Variants in PPP2R1A observed in about 807,000 individuals in gnomAD.
PPP2R1A encodes the protein protein phosphatase 2 scaffold subunit Aalpha, also known as serine/threonine-protein phosphatase 2A 65 kDa regulatory subunit A alpha isoform.
PPP2R1A carries 15 observed loss-of-function variants against 67.1 expected under a neutral mutation model. The observed-to-expected ratio is 0.22, with a 90% CI of 0.15 to 0.34. The LOEUF (loss-of-function observed/expected upper bound fraction) is 0.34. Among genes scored for constraint, PPP2R1A ranks in the 10% least tolerant of loss-of-function variants. The pLI is 1.00. For missense variants in PPP2R1A, 369 were observed against 775.0 expected (o/e 0.48, Z 6.22); for synonymous variants, 337 against 325.0 (o/e 1.04, Z -0.40).
Position 52,215,759 on chromosome 19 carries a change from C to A in PPP2R1A, c.808-20C>A, listed in dbSNP as rs751641627. 16 of 1,605,732 alleles carry A rather than the reference C, an allele frequency of 1.0e-5. No homozygotes were observed. The highest frequency in any genetic ancestry group is 1.4e-5 in the Non-Finnish European group (16 of 1,172,556). On this transcript the variant is annotated intron_variant, in intron 6 of 14. Transcript: ENST00000322088. ...ACTGCCAGCCCCTCTCACTCTCCCCCTCCTCCTTCCTGTCTGCAGCTCCAG... is the reference window on the plus strand; with the variant it reads ...ACTGCCAGCCCCTCTCACTCTCCCCATCCTCCTTCCTGTCTGCAGCTCCAG...
At chr19:52,193,009 T>C (rs1390607681) in intron 1 of PPP2R1A, among the ~76,000 whole-genome samples, 2 of 152,264 alleles carry the variant, frequency 1.3e-5, no homozygotes, top group Admixed American at 1.3e-4. Context: ...TGCTGACCTC[T>C]GACTTAAACC....
Position 52,202,773 on chromosome 19 carries a change from A to C in PPP2R1A, c.169+739A>C, listed in dbSNP as rs536739406. 1.2e-4 allele frequency among the ~76,000 whole-genome samples: 18 copies of C among 152,336 alleles called. 1 individual carries two copies. In the South Asian group the frequency reaches 3.7e-3, roughly 32 times the overall value. ...TGTGTGACTTTGGGCAAGATATTTTACATCTGCCTGCTTCAGATTCTTCAC... is the reference window on the plus strand; with the variant it reads ...TGTGTGACTTTGGGCAAGATATTTTCCATCTGCCTGCTTCAGATTCTTCAC... On this transcript the variant is annotated intron_variant, in intron 2 of 14. Coordinates refer to ENST00000322088, the MANE Select transcript of PPP2R1A (RefSeq NM_014225.6).
At chr19:52,194,954 G>A (rs1780983279) in intron 1 of PPP2R1A, among the ~76,000 whole-genome samples, 1 of 152,072 alleles carries the variant, frequency 6.6e-6, no homozygotes, top group African/African-American at 2.4e-5. Flanking sequence ...TTGTTTTTTT[G>A]GTTACTATCA....
intron 1 of PPP2R1A, among the ~76,000 whole-genome samples, chr19:52,197,568 G>T (rs1037727738): frequency 6.6e-5 from 10 of 152,114 alleles, no homozygotes; most frequent in African/African-American, 2.4e-4. Flanking sequence ...CCGTCTACTT[G>T]GGTAGCTGAG....
At chr19:52,214,156 G>C (rs1568595012) in intron 6 of PPP2R1A, among the ~76,000 whole-genome samples, 1 of 152,078 alleles carries the variant, frequency 6.6e-6, no homozygotes, top group Non-Finnish European at 1.5e-5. Flanking sequence ...CCAGCCAGAG[G>C]ACAAAGAACC....
intron 2 of PPP2R1A, among the ~76,000 whole-genome samples, chr19:52,202,251 G>A (rs10420092): frequency 0.014 from 2,141 of 150,876 alleles, 52 homozygotes; most frequent in African/African-American, 0.05. Context: ...CTAGAAGCAG[G>A]TAGAACGAGG....
Position 52,225,968 on chromosome 19 carries a change from T to C in PPP2R1A, c.1757T>C (p.Leu586Pro). The change falls in exon 15 of 15, where the codon CTG (leucine) becomes CCG (proline). Residue 586 changes from leucine to proline, a missense_variant. Physicochemically the swap from Leu to Pro is moderately conservative, Grantham distance 98. This residue lies in a region of PPP2R1A where 276 missense variants were observed against 508.4 expected (regional missense o/e 0.54). Coordinates refer to ENST00000322088, the MANE Select transcript of PPP2R1A (RefSeq NM_014225.6). ...TTGCCTGTTCCTGTTTTCCTAGTTC[T>C]GTCTCTCGCCTGATGCTGGAAGAGG... ...KYFAQEALTV[L>P]SLA 1.2e-6 allele frequency: 2 copies of C among 1,614,250 alleles called. No homozygotes were observed. The highest frequency in any genetic ancestry group is 1.3e-5 in the African/African-American group (1 of 75,072).
chr19:52,206,165 C>G, intron 3 of PPP2R1A, 102 bp downstream of exon 3: 1 of 973,426 alleles, frequency 1.0e-6, no homozygotes, highest in Non-Finnish European at 1.6e-6. Flanking sequence ...GCGTGGGGAT[C>G]ACGTCAGAAC....
rs116256439 is a variant in PPP2R1A at position 52,190,511 on chromosome 19, G to A, written c.78+337G>A. ...GACTCCGTGATTGGCGGCGGCCTCTGAATGGCCTCTTGGGGATGTGGGGCG... is the reference window on the plus strand; with the variant it reads ...GACTCCGTGATTGGCGGCGGCCTCTAAATGGCCTCTTGGGGATGTGGGGCG... On this transcript the variant is annotated intron_variant, in intron 1 of 14. Coordinates refer to ENST00000322088, the MANE Select transcript of PPP2R1A (RefSeq NM_014225.6). 8.9e-3 allele frequency among the ~76,000 whole-genome samples: 1,353 copies of A among 152,362 alleles called. 20 individuals are homozygous for A. Among genetic ancestry groups the A allele is most frequent in the African/African-American group, 0.031 (1,305 of 41,580 alleles).
rs189434587 is a variant in PPP2R1A, at chr19:52,213,212, T to C, written c.807+102T>C. On this transcript the variant is annotated intron_variant, in intron 6 of 14. Transcript: ENST00000322088. This position sits in a 1 kb window ranked among gnomAD's most constrained non-coding sequence, Gnocchi z 4.2. ...GGTTTCCATTAGGCCGATGGAACCATTGGGCGTTTGAGCAATAAGATCTCT... is the reference window on the plus strand; with the variant it reads ...GGTTTCCATTAGGCCGATGGAACCACTGGGCGTTTGAGCAATAAGATCTCT... 50 of 1,373,940 alleles carry C rather than the reference T, an allele frequency of 3.6e-5. No individual in the cohort carries two copies. The highest frequency in any genetic ancestry group is 5.0e-5 in the South Asian group (3 of 60,060). 85.1% of individuals were successfully genotyped at this position (1,373,940 alleles called of 1,614,324 possible).
chr19:52,190,314 G>C (rs1053111686), intron 1 of PPP2R1A, 140 bp downstream of exon 1: 3 of 1,032,702 alleles, frequency 2.9e-6, no homozygotes, highest in Admixed American at 5.0e-5. Flanking sequence ...TTATCTCCCC[G>C]GTTGCCCGGA....
chr19:52,215,267 G>C (rs112788606), intron 6 of PPP2R1A, among the ~76,000 whole-genome samples: 70 of 152,006 alleles, frequency 4.6e-4, no homozygotes, highest in Non-Finnish European at 8.2e-4. Flanking sequence ...TGTGTTGCCC[G>C]GGCTGGTCTT....
chr19:52,201,833 C>T (rs2089552391), intron 1 of PPP2R1A, 111 bp from the exon 2 acceptor site: 2 of 925,724 alleles, frequency 2.2e-6, no homozygotes, highest in African/African-American at 1.6e-5. Flanking sequence ...TGAGCATCTT[C>T]ACATGTAACC....
intron 2 of PPP2R1A, among the ~76,000 whole-genome samples, chr19:52,205,459 C>G (rs746997907): frequency 3.9e-5 from 6 of 152,084 alleles, no homozygotes; most frequent in Non-Finnish European, 7.3e-5. Flanking sequence ...GAGAGAGAGA[C>G]TGAGCCCAGA....
chr19:52,198,967 T>C (rs2089522284), intron 1 of PPP2R1A, among the ~76,000 whole-genome samples: 1 of 152,236 alleles, frequency 6.6e-6, no homozygotes, highest in African/African-American at 2.4e-5. Context: ...TTTATGATTA[T>C]GATTATTAAT....
intron 2 of PPP2R1A, among the ~76,000 whole-genome samples, 177 bp downstream of exon 2, chr19:52,202,211 G>A (rs1055409079): frequency 3.9e-5 from 6 of 152,182 alleles, no homozygotes; most frequent in Admixed American, 2.0e-4. Flanking sequence ...AGAATGGTCT[G>A]GAATGATGGA....
At chr19:52,195,519 T>C (rs1207571310) in intron 1 of PPP2R1A, among the ~76,000 whole-genome samples, 1 of 152,172 alleles carries the variant, frequency 6.6e-6, no homozygotes, top group East Asian at 1.9e-4. Context: ...TCCAACAGGT[T>C]GAGGGCTCAG....
chr19:52,213,117 G>T lies in PPP2R1A; in HGVS notation c.807+7G>T, dbSNP rs781039263. 6.4e-7 allele frequency: 1 copy of T among 1,552,066 alleles called. No individual in the cohort carries two copies. Among genetic ancestry groups the T allele is most frequent in the South Asian group, 1.2e-5 (1 of 82,766 alleles). Reference sequence around the variant, plus strand: ...GGCTGACAAGTTCACAGAGGTAGATGAGCGACCGTTGACATTGTCCCACTG... The same window carrying T: ...GGCTGACAAGTTCACAGAGGTAGATTAGCGACCGTTGACATTGTCCCACTG... On this transcript the variant is annotated splice_region_variant and intron_variant, in intron 6 of 14. Coordinates refer to ENST00000322088, the MANE Select transcript of PPP2R1A (RefSeq NM_014225.6). This position sits in a 1 kb window ranked among gnomAD's most constrained non-coding sequence, Gnocchi z 4.2.
intron 1 of PPP2R1A, among the ~76,000 whole-genome samples, chr19:52,192,806 TGAG>T (rs2089466734): frequency 6.6e-6 from 1 of 151,836 alleles, no homozygotes; most frequent in East Asian, 1.9e-4. Flanking sequence ...ACATGCAGGG[TGAG>T]GTGTGGGGGA....
Sources: allele counts gnomAD v4.1 joint callset (sites outside exome capture counted in the v4.1 genomes callset), GRCh38; gene constraint gnomAD v4.1.1; regional missense constraint gnomAD v4.1.1; non-coding constraint Gnocchi (gnomAD v3.1); transcripts MANE v1.5; gene names NCBI Gene and HGNC (gene_info 2026-07-23, HGNC 2026-07-21).